PIEZO2: variants seen among roughly 807,000 people sequenced by gnomAD.
PIEZO2 encodes the protein piezo type mechanosensitive ion channel component 2, also known as piezo-type mechanosensitive ion channel component 2.
PIEZO2 carries 172 observed loss-of-function variants against 337.3 expected under a neutral mutation model. The ratio of observed to expected loss-of-function variants is 0.51; its 90% CI spans 0.45 to 0.58. The LOEUF is 0.58. Ranked by LOEUF, PIEZO2 falls within the 20% of genes least tolerant of loss-of-function variation. The probability of loss-of-function intolerance (pLI) is 0.00; values close to 1 mark genes in which losing one functional copy is unlikely to be tolerated. For missense variants in PIEZO2, 3,028 were observed against 3,391.3 expected (o/e 0.89, Z 2.66); for synonymous variants, 1,251 against 1,228.5 (o/e 1.02, Z -0.38).
chr18:10,889,641 C>T lies in PIEZO2; in HGVS notation c.330-18226G>A, dbSNP rs983296749. Among the ~76,000 whole-genome samples, 3 of 152,154 alleles carry T rather than the reference C, an allele frequency of 2.0e-5. No homozygotes were observed. The East Asian group carries it at 5.8e-4, about 29-fold the overall frequency. Reference sequence around the variant, plus strand: ...TTTCGTGGCTCTGAATTAGAAATGGCCAAAGAGACATCTACCTGTGTGTGA... The same window carrying T: ...TTTCGTGGCTCTGAATTAGAAATGGTCAAAGAGACATCTACCTGTGTGTGA... On this transcript the variant is annotated intron_variant, in intron 4 of 55. Transcript: ENST00000674853.
At position 10,671,008 on chromosome 18, in the gene PIEZO2, CCT is replaced by C. The variant is rs1377636989; in HGVS notation, c.*517_*518del. The C allele has an allele frequency of 6.5e-6, 1 of 152,914 alleles. No homozygotes were observed. The highest frequency in any genetic ancestry group is 1.5e-5 in the Non-Finnish European group (1 of 68,332). 9.5% of individuals were successfully genotyped at this position (152,914 alleles called of 1,614,324 possible). A position where few individuals can be genotyped will look rare whatever the true frequency, so the allele number is the denominator to read the frequency against. ...TGGCGTCTTCACGGGCAATTAGTTC[CCT>C]CTCTTTTGCTCCTAGAAACACAGGT... On this transcript the variant is annotated 3_prime_UTR_variant, in exon 56 of 56. Coordinates refer to ENST00000674853, the MANE Select transcript of PIEZO2 (RefSeq NM_001378183.1).
intron 7 of PIEZO2, among the ~76,000 whole-genome samples, chr18:10,818,614 GC>G (rs1338703175): frequency 6.6e-6 from 1 of 152,134 alleles, no homozygotes; most frequent in African/African-American, 2.4e-5. Context: ...CTGAGAATTT[GC>G]TAAATCACTA....
At chr18:11,012,971 G>A (rs565135006) in intron 2 of PIEZO2, among the ~76,000 whole-genome samples, 4 of 152,236 alleles carry the variant, frequency 2.6e-5, no homozygotes, top group African/African-American at 9.6e-5. Flanking sequence ...TTGAGCCAGG[G>A]CAGTTAAGGC....
chr18:10,985,468 A>G (rs2034835627), intron 2 of PIEZO2, among the ~76,000 whole-genome samples: 1 of 151,982 alleles, frequency 6.6e-6, no homozygotes, highest in African/African-American at 2.4e-5. Context: ...GTATTCTTGG[A>G]GCCCTTGTCA....
chr18:10,932,157 A>G (rs1013611651), intron 3 of PIEZO2, among the ~76,000 whole-genome samples: 10 of 152,224 alleles, frequency 6.6e-5, no homozygotes, highest in African/African-American at 2.4e-4. Context: ...AACATACTAT[A>G]TAAGCACAAC....
rs961306554 is a variant in PIEZO2, at chr18:10,819,311, G to A, written c.918-12037C>T. ...GGATAAAGAGGCAATCTTTAAAAAC[G>A]TTAAGTAGAAGAAATTCTTAAAGTG... is the stretch of plus-strand genomic sequence containing the variant. On this transcript the variant is annotated intron_variant, in intron 7 of 55. Transcript: ENST00000674853. This position sits in a 1 kb window ranked among gnomAD's most constrained non-coding sequence, Gnocchi z 4.3. Among the ~76,000 whole-genome samples the A allele has an allele frequency of 3.3e-5, 5 of 152,080 alleles. No individual in the cohort carries two copies. Among genetic ancestry groups the A allele is most frequent in the South Asian group, 4.1e-4 (2 of 4,832 alleles).
chr18:10,967,888 G>A (rs2034077384), intron 3 of PIEZO2, among the ~76,000 whole-genome samples: 1 of 151,204 alleles, frequency 6.6e-6, no homozygotes, highest in Non-Finnish European at 1.5e-5. Context: ...CACTCTGTGG[G>A]TTGTCTGTTT....
chr18:10,723,536 A>C (rs962638303), intron 36 of PIEZO2, among the ~76,000 whole-genome samples: 5 of 152,118 alleles, frequency 3.3e-5, no homozygotes, highest in African/African-American at 7.2e-5. Flanking sequence ...TTGTTTTTTA[A>C]GATGGAGAAA....
At chr18:10,811,722 G>T (rs4349217) in intron 7 of PIEZO2, among the ~76,000 whole-genome samples, 46,709 of 152,098 alleles carry the variant, frequency 0.31, 7,492 homozygotes, top group East Asian at 0.37. Context: ...ACATAGCAGA[G>T]AGTTATTTTT....
intron 4 of PIEZO2, among the ~76,000 whole-genome samples, chr18:10,909,216 T>C (rs2030245486): frequency 6.6e-6 from 1 of 152,080 alleles, no homozygotes; most frequent in African/African-American, 2.4e-5. Context: ...TTACATGAAA[T>C]GAGGGATTAG....
At chr18:10,817,480 T>C (rs1224701278) in intron 7 of PIEZO2, among the ~76,000 whole-genome samples, 1 of 152,230 alleles carries the variant, frequency 6.6e-6, no homozygotes, top group African/African-American at 2.4e-5. Flanking sequence ...AAAAAATTTA[T>C]AAGGCACAAT....
intron 2 of PIEZO2, among the ~76,000 whole-genome samples, chr18:11,040,358 T>A (rs1298060354): frequency 6.6e-6 from 1 of 152,200 alleles, no homozygotes; most frequent in African/African-American, 2.4e-5. Context: ...TCTTTATATC[T>A]TAAGTCCTAA....
rs7242268 is a variant in PIEZO2 at position 10,993,625 on chromosome 18, A to C, written c.161-13965T>G. Among the ~76,000 whole-genome samples, 7,893 of 151,896 alleles carry C rather than the reference A, an allele frequency of 0.052. 462 individuals carry two copies. The highest frequency in any genetic ancestry group is 0.14 in the African/African-American group (5,671 of 41,408). On this transcript the variant is annotated intron_variant, in intron 2 of 55. Transcript: ENST00000674853. This position sits in a 1 kb window ranked among gnomAD's most constrained non-coding sequence, Gnocchi z 5.0. ...CACTGCAACCTCCGCCTCCCGGGTTAACGCCATTCTCCTGCCTCAGCCTCC... is the reference window on the plus strand; with the variant it reads ...CACTGCAACCTCCGCCTCCCGGGTTCACGCCATTCTCCTGCCTCAGCCTCC...
rs571029303 is a variant in PIEZO2, at chr18:11,024,284, G to A, written c.160+41843C>T. 5.9e-4 allele frequency among the ~76,000 whole-genome samples: 90 copies of A among 152,196 alleles called. 1 individual carries two copies. The South Asian group carries it at 0.018, about 31-fold the overall frequency. On this transcript the variant is annotated intron_variant, in intron 2 of 55. Transcript: ENST00000674853. The stretch of plus-strand genomic sequence containing the variant: ...AAGTAGGCCGGGCGCGGTGGTTCAC[G>A]CCTGTAATCCCAGCACTCTGGGAGG...
intron 33 of PIEZO2, chr18:10,739,965 A>G (rs1360727163): frequency 1.3e-5 from 2 of 152,178 alleles, no homozygotes; most frequent in South Asian, 4.1e-4. Flanking sequence ...GTTCTACTTT[A>G]TTTGATTTCC....
At chr18:10,778,430 T>G (rs2038865299) in intron 18 of PIEZO2, among the ~76,000 whole-genome samples, 1 of 150,606 alleles carries the variant, frequency 6.6e-6, no homozygotes, top group Non-Finnish European at 1.5e-5. Context: ...CCTCCCAGGT[T>G]CACGCCATTC....
intron 23 of PIEZO2, 141 bp downstream of exon 23, chr18:10,762,359 G>A (rs2038170023): frequency 5.7e-6 from 6 of 1,049,854 alleles, no homozygotes; most frequent in Non-Finnish European, 8.0e-6. Flanking sequence ...AACACTTAGA[G>A]TTTGTTGCAA....
chr18:11,033,711 C>G lies in PIEZO2; in HGVS notation c.160+32416G>C, dbSNP rs1246353742. On this transcript the variant is annotated intron_variant, in intron 2 of 55. Coordinates refer to ENST00000674853, the MANE Select transcript of PIEZO2 (RefSeq NM_001378183.1). This position sits in a 1 kb window ranked among gnomAD's most constrained non-coding sequence, Gnocchi z 4.2. ...TTTCTGTCATGTGAACCAGTCATAC[C>G]AAGAGTATAAATATTGCTCTCAAAA... 2.0e-5 allele frequency among the ~76,000 whole-genome samples: 3 copies of G among 151,818 alleles called. No individual in the cohort carries two copies. The highest frequency in any genetic ancestry group is 4.4e-5 in the Non-Finnish European group (3 of 67,960).
chr18:10,974,492 A>G (rs2034363362), intron 3 of PIEZO2, among the ~76,000 whole-genome samples: 1 of 152,250 alleles, frequency 6.6e-6, no homozygotes, highest in Non-Finnish European at 1.5e-5. Context: ...AGGGAAAGTC[A>G]TGGACTAAGT....
Sources: gnomAD v4.1 joint callset for allele counts (sites outside exome capture counted in the v4.1 genomes callset) on GRCh38, gnomAD v4.1.1 for gene constraint, Gnocchi (gnomAD v3.1) non-coding constraint, MANE v1.5 for transcripts, NCBI Gene and HGNC (gene_info 2026-07-23, HGNC 2026-07-21) for gene names.